RPS6KA1: variants seen among roughly 807,000 people sequenced by gnomAD.
The protein encoded by RPS6KA1 is ribosomal protein S6 kinase A1.
In RPS6KA1, 48 loss-of-function variants were observed where a neutral mutation model predicts 91.3. The ratio of observed to expected loss-of-function variants is 0.53; its 90% CI spans 0.42 to 0.67. The LOEUF (loss-of-function observed/expected upper bound fraction) is 0.67, where lower values mean the gene tolerates loss of function less well. RPS6KA1 is among the 30% of genes least tolerant of loss of function. The pLI is 0.00. For missense variants in RPS6KA1, 719 were observed against 960.5 expected (o/e 0.75, Z 3.32); for synonymous variants, 359 against 384.7 (o/e 0.93, Z 0.78).
intron 17 of RPS6KA1, among the ~76,000 whole-genome samples, chr1:26,566,578 T>C (rs9438508): frequency 0.36 from 54,448 of 151,576 alleles, 10,755 homozygotes; most frequent in East Asian, 0.75. Context: ...TGAACCACTG[T>C]GCCCGGCTCA....
chr1:26,537,087 C>T (rs993359996), intron 2 of RPS6KA1, 118 bp downstream of exon 2: 1 of 1,036,030 alleles, frequency 9.7e-7, no homozygotes, highest in Non-Finnish European at 1.5e-6. Context: ...CCGTCCTTCT[C>T]AGGGCCCACC....
At position 26,547,373 on chromosome 1, in the gene RPS6KA1, G is replaced by T; in HGVS notation, c.307+103G>T. On this transcript the variant is annotated intron_variant, in intron 4 of 21. Transcript: ENST00000374168. The surrounding 1 kb of genome is among the most constrained non-coding windows in gnomAD (Gnocchi z 4.1). ...GGCAAGGGAGACAGCTCTGTCTTCAGGAGCACCTAGTTCAAAGGTGGAGAA... is the reference window on the plus strand; with the variant it reads ...GGCAAGGGAGACAGCTCTGTCTTCATGAGCACCTAGTTCAAAGGTGGAGAA... 1.2e-6 allele frequency: 1 copy of T among 867,908 alleles called. No individual in the cohort carries two copies. Among genetic ancestry groups the T allele is most frequent in the Non-Finnish European group, 1.9e-6 (1 of 539,616 alleles). The allele number at this position is 867,908 out of a possible 1,614,324, so 53.8% of individuals were successfully genotyped here. A position where few individuals can be genotyped will look rare whatever the true frequency, so the allele number is the denominator to read the frequency against.
intron 2 of RPS6KA1, among the ~76,000 whole-genome samples, chr1:26,544,833 C>G (rs1289194473): frequency 1.3e-5 from 2 of 152,128 alleles, no homozygotes; most frequent in East Asian, 1.9e-4. Context: ...TCTCTTCTGT[C>G]TCTGCCTATT....
At chr1:26,562,603 C>T (rs1052026729) in intron 17 of RPS6KA1, among the ~76,000 whole-genome samples, 7 of 152,216 alleles carry the variant, frequency 4.6e-5, no homozygotes, top group Non-Finnish European at 7.4e-5. Context: ...CACTAGATGA[C>T]GGTGAGGTAG....
rs563853328 is a variant in RPS6KA1, at chr1:26,571,489, T to C, written c.1631T>C (p.Val544Ala). The C allele has an allele frequency of 6.2e-7, 1 of 1,614,246 alleles. No homozygotes were observed. Among genetic ancestry groups the C allele is most frequent in the Non-Finnish European group, 8.5e-7 (1 of 1,180,036 alleles). Residue 544 changes from valine (V) to alanine (A), a missense_variant, in exon 18 of 22, where the codon GTG becomes GCG. Transcript: ENST00000374168. This position sits in a 1 kb window ranked among gnomAD's most constrained non-coding sequence, Gnocchi z 5.1. ...RDLKPSNILYVDESGNPECLR... is the reference protein window; with the variant it reads ...RDLKPSNILYADESGNPECLR... The stretch of plus-strand genomic sequence containing the variant: ...CTGAAGCCCAGCAACATCCTGTATG[T>C]GGACGAGTCCGGGAATCCCGAGTGC...
At chr1:26,530,763 C>T (rs984904074) in intron 1 of RPS6KA1, 1 of 1,287,786 alleles carries the variant, frequency 7.8e-7, no homozygotes, top group Non-Finnish European at 1.0e-6. Context: ...CCTGACCTCC[C>T]TTGAGGGCTC....
rs371766931 is a variant in RPS6KA1 at position 26,574,510 on chromosome 1, C to T, written c.*309C>T. ...TTGCCTTTCTGGGAGCAGAAACAGC[C>T]ATTGCGGCCCCAGGAGGGGAACTGA... On this transcript the variant is annotated 3_prime_UTR_variant, in exon 22 of 22. Transcript: ENST00000374168. The surrounding 1 kb of genome is among the most constrained non-coding windows in gnomAD (Gnocchi z 4.3). The T allele has an allele frequency of 5.9e-4, 302 of 515,030 alleles. No homozygotes were observed. The highest frequency in any genetic ancestry group is 5.4e-3 in the African/African-American group (282 of 52,028). 31.9% of individuals were successfully genotyped at this position (515,030 alleles called of 1,614,324 possible).
At chr1:26,534,619 C>A (rs182392945) in intron 1 of RPS6KA1, among the ~76,000 whole-genome samples, 71 of 152,212 alleles carry the variant, frequency 4.7e-4, no homozygotes, top group Middle Eastern at 3.4e-3. Flanking sequence ...TGTTTGTAGG[C>A]CAGTTACATG....
chr1:26,560,670 G>A (rs2076145778), intron 14 of RPS6KA1, 56 bp from the exon 15 acceptor site: 2 of 1,611,234 alleles, frequency 1.2e-6, no homozygotes, highest in Admixed American at 1.7e-5. Flanking sequence ...GGTCCTGGGG[G>A]ATGACCCCTA....
In RPS6KA1 at chr1:26,558,696, C is replaced by T. The variant is rs965759651; in HGVS notation, c.1085-111C>T. 3.8e-5 allele frequency: 50 copies of T among 1,326,546 alleles called. No homozygotes were observed. The highest frequency in any genetic ancestry group is 4.8e-5 in the Non-Finnish European group (46 of 960,478). The allele number at this position is 1,326,546 out of a possible 1,614,324, so 82.2% of individuals were successfully genotyped here. A position where few individuals can be genotyped will look rare whatever the true frequency, so the allele number is the denominator to read the frequency against. On this transcript the variant is annotated intron_variant, in intron 13 of 21. Transcript: ENST00000374168. This position sits in a 1 kb window ranked among gnomAD's most constrained non-coding sequence, Gnocchi z 4.0. ...ACAGGCCCTCTGCAGGCTCCCGCCA[C>T]GGCCAGCCCCTGAGGCAGGTCTGGA... is the stretch of plus-strand genomic sequence containing the variant.
Position 26,555,211 on chromosome 1 carries a change from C to T in RPS6KA1, c.817C>T (p.Leu273=), listed in dbSNP as rs181351346. The part of the protein sequence containing the change: ...QGKDRKETMT[L]ILKAKLGMPQ... Reference sequence around the variant, plus strand: ...GAAGGACCGGAAGGAGACCATGACACTGATTCTGAAGTAAGCCCCAGCCCT... The same window carrying T: ...GAAGGACCGGAAGGAGACCATGACATTGATTCTGAAGTAAGCCCCAGCCCT... The change falls in exon 10 of 22, where the codon CTG becomes TTG. Residue 273 remains leucine, a synonymous_variant. Coordinates refer to ENST00000374168, the MANE Select transcript of RPS6KA1 (RefSeq NM_002953.4). The surrounding 1 kb of genome is among the most constrained non-coding windows in gnomAD (Gnocchi z 4.3). 1.2e-6 allele frequency: 2 copies of T among 1,614,136 alleles called. No homozygotes were observed. Among genetic ancestry groups the T allele is most frequent in the African/African-American group, 1.3e-5 (1 of 75,042 alleles).
intron 12 of RPS6KA1, 124 bp downstream of exon 12, chr1:26,556,842 T>A: frequency 7.8e-7 from 1 of 1,287,010 alleles, no homozygotes; most frequent in Non-Finnish European, 1.1e-6. Context: ...GGTCACAGCC[T>A]GCCCTTGAAG....
At position 26,551,586 on chromosome 1, in the gene RPS6KA1, G is replaced by A. The variant is rs150396785; in HGVS notation, c.389-58G>A. ...CTGGCAGGCCAAGGGAGCCAGGGCC[G>A]GAGAAGCAGATCATAAGGCCGCGCC... On this transcript the variant is annotated intron_variant, in intron 5 of 21. Transcript: ENST00000374168. This position sits in a 1 kb window ranked among gnomAD's most constrained non-coding sequence, Gnocchi z 4.5. 81 of 1,598,912 alleles carry A rather than the reference G, an allele frequency of 5.1e-5. 1 individual carries two copies. In the East Asian group the frequency reaches 1.4e-3, roughly 27 times the overall value.
chr1:26,545,812 C>A, intron 2 of RPS6KA1: 2 of 1,431,158 alleles, frequency 1.4e-6, no homozygotes, highest in South Asian at 1.5e-5. Flanking sequence ...CCCGCCCTTA[C>A]CCTGCACATC....
At position 26,555,710 on chromosome 1, in the gene RPS6KA1, C is replaced by T; in HGVS notation, c.916+85C>T. On this transcript the variant is annotated intron_variant, in intron 11 of 21. Coordinates refer to ENST00000374168, the MANE Select transcript of RPS6KA1 (RefSeq NM_002953.4). This position sits in a 1 kb window ranked among gnomAD's most constrained non-coding sequence, Gnocchi z 4.3. ...CCTAGGCCACAGGGCCACATCTGGG[C>T]TGAAAGGGGCCGTTGTCCTTTGTGT... is the stretch of plus-strand genomic sequence containing the variant. 1 of 1,295,758 alleles carries T rather than the reference C, an allele frequency of 7.7e-7. No homozygotes were observed. Among genetic ancestry groups the T allele is most frequent in the African/African-American group, 1.5e-5 (1 of 68,038 alleles). The allele number at this position is 1,295,758 out of a possible 1,614,324, so 80.3% of individuals were successfully genotyped here.
rs778579909 is a variant in RPS6KA1, at chr1:26,546,876, G to A, written c.118G>A (p.Val40Ile). The A allele has an allele frequency of 2.7e-5, 43 of 1,613,720 alleles. No homozygotes were observed. The highest frequency in any genetic ancestry group is 1.6e-4 in the East Asian group (7 of 44,894). ...TCTGTCCCTCCATCAGGATGAGGGC[G>A]TCCTCAAGGAGATCTCCATCACGCA... ...AGLQPSKDEG[V>I]LKEISITHHV... The change falls in exon 3 of 22, where the codon GTC (valine) becomes ATC (isoleucine). Residue 40 changes from valine (V) to isoleucine (I), a missense_variant. Around this residue, in one of 5 missense-constraint regions of RPS6KA1, gnomAD observed 57 missense variants for 55.8 expected, o/e 1.02. Transcript: ENST00000374168.
intron 17 of RPS6KA1, among the ~76,000 whole-genome samples, chr1:26,569,367 C>T (rs1418227509): frequency 6.6e-6 from 1 of 152,136 alleles, no homozygotes; most frequent in Non-Finnish European, 1.5e-5. Flanking sequence ...TCCCTGACCT[C>T]TAGGTAGAGT....
chr1:26,547,901 G>T lies in RPS6KA1; in HGVS notation c.307+631G>T, dbSNP rs1468982340. On this transcript the variant is annotated intron_variant, in intron 4 of 21. Transcript: ENST00000374168. The surrounding 1 kb of genome is among the most constrained non-coding windows in gnomAD (Gnocchi z 4.1). ...TAAATAAGTCAAGGCCGGGCGCGGT[G>T]GCTCACACCTGTAATCCCAGCACTT... 1.3e-5 allele frequency among the ~76,000 whole-genome samples: 2 copies of T among 152,182 alleles called. No individual in the cohort carries two copies. The highest frequency in any genetic ancestry group is 6.6e-5 in the Admixed American group (1 of 15,266).
chr1:26,553,609 G>A, intron 7 of RPS6KA1, 112 bp downstream of exon 7: 1 of 606,796 alleles, frequency 1.6e-6, no homozygotes, highest in Non-Finnish European at 2.9e-6. Flanking sequence ...TCCCTCTCTT[G>A]GGCAATCTGA....
Sources: gnomAD v4.1 joint callset for allele counts (sites outside exome capture counted in the v4.1 genomes callset) on GRCh38, gnomAD v4.1.1 for gene constraint, gnomAD v4.1.1 regional missense constraint, Gnocchi (gnomAD v3.1) non-coding constraint, MANE v1.5 for transcripts, NCBI Gene and HGNC (gene_info 2026-07-23, HGNC 2026-07-21) for gene names.